Variants in STXBP5L observed in about 807,000 individuals in gnomAD.
STXBP5L encodes the protein syntaxin binding protein 5L.
In STXBP5L, 65 loss-of-function variants were observed where a neutral mutation model predicts 144.5. The observed-to-expected ratio is 0.45, with a 90% CI of 0.37 to 0.55. The LOEUF (loss-of-function observed/expected upper bound fraction) is 0.55. STXBP5L is among the 20% of genes least tolerant of loss of function. STXBP5L has a pLI of 0.00. For missense variants in STXBP5L, 1,298 were observed against 1,405.5 expected, an observed-to-expected ratio of 0.92 and a Z score of 1.22; for synonymous variants, 505 against 469.6, an observed-to-expected ratio of 1.08 and a Z score of -0.97.
At chr3:121,102,538 T>A (rs977441402) in intron 5 of STXBP5L, among the ~76,000 whole-genome samples, 2 of 152,094 alleles carry the variant, frequency 1.3e-5, no homozygotes, top group Non-Finnish European at 2.9e-5. Flanking sequence ...ACCTCTACCA[T>A]ACACAAAAAT....
intron 3 of STXBP5L, among the ~76,000 whole-genome samples, chr3:121,007,583 C>G (rs1265883930): frequency 6.6e-6 from 1 of 151,956 alleles, no homozygotes; most frequent in African/African-American, 2.4e-5. Flanking sequence ...TTATTCTCCT[C>G]AGGAATGAGA....
chr3:121,370,005 G>A (rs1045107014), intron 20 of STXBP5L, among the ~76,000 whole-genome samples: 1 of 152,144 alleles, frequency 6.6e-6, no homozygotes, highest in East Asian at 1.9e-4. Flanking sequence ...GGCAGTGATT[G>A]AATAATGGGG....
intron 3 of STXBP5L, among the ~76,000 whole-genome samples, chr3:120,999,760 C>G (rs1187311597): frequency 1.3e-5 from 2 of 152,100 alleles, no homozygotes; most frequent in East Asian, 3.9e-4. Context: ...TCTTGTAAGG[C>G]AGGTCTTGAT....
chr3:121,032,008 T>G (rs745437957), intron 3 of STXBP5L, among the ~76,000 whole-genome samples: 2 of 152,098 alleles, frequency 1.3e-5, no homozygotes, highest in Non-Finnish European at 2.9e-5. Flanking sequence ...TATAAGATTT[T>G]TGTGGTACAT....
rs9849805 is a variant in STXBP5L, at chr3:120,977,093, T to G, written c.287+22056T>G. Among the ~76,000 whole-genome samples, 1,128 of 152,256 alleles carry G rather than the reference T, an allele frequency of 7.4e-3. 8 individuals are homozygous for G. The highest frequency in any genetic ancestry group is 0.024 in the African/African-American group (992 of 41,550). ...GTGCAGAGCTGAGTTCAATTCCTGG[T>G]TATCCTTGTTACCTTTCTGTCTCAT... On this transcript the variant is annotated intron_variant, in intron 3 of 26. Coordinates refer to ENST00000471454, the MANE Select transcript of STXBP5L (RefSeq NM_001308330.2).
chr3:121,095,851 G>A (rs1035599693), intron 5 of STXBP5L, among the ~76,000 whole-genome samples: 1 of 152,140 alleles, frequency 6.6e-6, no homozygotes, highest in East Asian at 1.9e-4. Context: ...CTTTGGAGGG[G>A]GAGAGGCACT....
intron 2 of STXBP5L, among the ~76,000 whole-genome samples, chr3:120,953,795 A>G (rs1470318309): frequency 6.6e-6 from 1 of 152,008 alleles, no homozygotes; most frequent in Non-Finnish European, 1.5e-5. Context: ...GATGTGTCTT[A>G]CTTCTTTTTC....
intron 10 of STXBP5L, among the ~76,000 whole-genome samples, chr3:121,207,616 GA>G (rs1211554344): frequency 6.6e-6 from 1 of 152,068 alleles, no homozygotes; most frequent in African/African-American, 2.4e-5. Context: ...AATCTACAAT[GA>G]ACTCAAACAA....
intron 10 of STXBP5L, among the ~76,000 whole-genome samples, chr3:121,215,866 C>G (rs369926738): frequency 3.3e-5 from 5 of 152,326 alleles, no homozygotes; most frequent in African/African-American, 1.2e-4. Flanking sequence ...GGTCTTTTCA[C>G]ATAGTTACAT....
intron 10 of STXBP5L, among the ~76,000 whole-genome samples, chr3:121,215,921 A>G (rs2048760331): frequency 6.6e-6 from 1 of 151,816 alleles, no homozygotes; most frequent in Non-Finnish European, 1.5e-5. Flanking sequence ...TTTTTTCTCT[A>G]ATGTTTTCTT....
intron 5 of STXBP5L, among the ~76,000 whole-genome samples, chr3:121,073,719 C>T (rs76415744): frequency 0.12 from 18,759 of 152,192 alleles, 1,422 homozygotes; most frequent in Middle Eastern, 0.18. Flanking sequence ...CCCCTGCCCC[C>T]GCCCCAGCTT....
Position 121,419,692 on chromosome 3 carries a change from T to C in STXBP5L, c.*595T>C, listed in dbSNP as rs934835950. On this transcript the variant is annotated 3_prime_UTR_variant, in exon 27 of 27. Transcript: ENST00000471454. ...TAACTTTCATTGTACTAGAACCTTATTGAATTCTTATGGCAAGAGTCTGAT... is the reference window on the plus strand; with the variant it reads ...TAACTTTCATTGTACTAGAACCTTACTGAATTCTTATGGCAAGAGTCTGAT... 1.3e-5 allele frequency: 2 copies of C among 152,252 alleles called. No individual in the cohort carries two copies. Among genetic ancestry groups the C allele is most frequent in the Non-Finnish European group, 1.5e-5 (1 of 68,052 alleles). The allele number at this position is 152,252 out of a possible 1,614,324, so 9.4% of individuals were successfully genotyped here.
chr3:121,169,859 A>G (rs1267238650), intron 9 of STXBP5L, among the ~76,000 whole-genome samples: 1 of 152,194 alleles, frequency 6.6e-6, no homozygotes, highest in African/African-American at 2.4e-5. Context: ...ATAGACATCT[A>G]CAGAACTCTC....
intron 3 of STXBP5L, among the ~76,000 whole-genome samples, chr3:120,969,396 GT>G (rs57093267): frequency 0.51 from 66,716 of 131,112 alleles, 16,053 homozygotes; most frequent in Admixed American, 0.6. Flanking sequence ...GATTATTTGT[GT>G]TTTTTTTTTT....
At chr3:121,216,292 C>T (rs1457188769) in intron 10 of STXBP5L, among the ~76,000 whole-genome samples, 2 of 152,094 alleles carry the variant, frequency 1.3e-5, no homozygotes, top group East Asian at 3.9e-4. Flanking sequence ...AAGTTTCAGC[C>T]TTTTTATACT....
intron 5 of STXBP5L, among the ~76,000 whole-genome samples, chr3:121,085,276 C>T (rs1037412206): frequency 1.3e-5 from 2 of 152,020 alleles, no homozygotes; most frequent in South Asian, 2.1e-4. Context: ...ACGTTTTTGT[C>T]ATGAAATCTT....
chr3:121,260,305 TA>T (rs1448088205), intron 18 of STXBP5L, among the ~76,000 whole-genome samples: 1 of 152,118 alleles, frequency 6.6e-6, no homozygotes, highest in Non-Finnish European at 1.5e-5. Context: ...GTTTGCATAT[TA>T]GGGAAGTTAG....
intron 3 of STXBP5L, among the ~76,000 whole-genome samples, chr3:120,974,069 G>A (rs1940628276): frequency 6.6e-6 from 1 of 152,102 alleles, no homozygotes; most frequent in Admixed American, 6.5e-5. Flanking sequence ...TAATGGGATG[G>A]CTGGGTCAAA....
At chr3:120,972,833 T>C (rs976514298) in intron 3 of STXBP5L, among the ~76,000 whole-genome samples, 6 of 152,094 alleles carry the variant, frequency 3.9e-5, no homozygotes, top group Admixed American at 3.3e-4. Context: ...TATCAGGTAG[T>C]TTTTATGTTT....
Sources: allele counts gnomAD v4.1 joint callset (sites outside exome capture counted in the v4.1 genomes callset), GRCh38; gene constraint gnomAD v4.1.1; transcripts MANE v1.5; gene names NCBI Gene and HGNC (gene_info 2026-07-23, HGNC 2026-07-21).